LTN1: variants seen among roughly 807,000 people sequenced by gnomAD.
The protein encoded by LTN1 is E3 ubiquitin-protein ligase listerin.
LTN1 carries 88 observed loss-of-function variants against 201.2 expected under a neutral mutation model. The ratio of observed to expected loss-of-function variants is 0.44; its 90% CI spans 0.37 to 0.52. The LOEUF (loss-of-function observed/expected upper bound fraction) is 0.52, where lower values mean the gene tolerates loss of function less well. LTN1 is among the 20% of genes least tolerant of loss of function. LTN1 has a pLI of 0.00. For synonymous variants in LTN1, 645 were observed against 713.5 expected (o/e 0.90, Z 1.53); for missense variants, 1,752 against 2,038.7 (o/e 0.86, Z 2.71).
chr21:28,983,211 G>C (rs905262697), intron 4 of LTN1, among the ~76,000 whole-genome samples: 1 of 152,122 alleles, frequency 6.6e-6, no homozygotes, highest in Non-Finnish European at 1.5e-5. Context: ...GCCAACTAAA[G>C]GGAAAATAAA....
intron 1 of LTN1, among the ~76,000 whole-genome samples, chr21:28,990,749 GA>G (rs1488445533): frequency 6.6e-6 from 1 of 152,048 alleles, no homozygotes; most frequent in African/African-American, 2.4e-5. Flanking sequence ...TAATCATAAG[GA>G]AAAAACTAGA....
intron 8 of LTN1, 82 bp downstream of exon 8, chr21:28,970,470 A>T: frequency 1.1e-6 from 1 of 919,182 alleles, no homozygotes; most frequent in South Asian, 1.6e-5. Context: ...AACAACTTGG[A>T]GAAATTTAAG....
At chr21:28,957,223 G>A in intron 15 of LTN1, 109 bp downstream of exon 15, 1 of 1,149,592 alleles carries the variant, frequency 8.7e-7, no homozygotes, top group Non-Finnish European at 1.2e-6. Flanking sequence ...TCAAAGCAAA[G>A]CAAAATACTC....
intron 11 of LTN1, among the ~76,000 whole-genome samples, chr21:28,963,780 T>A (rs1340350951): frequency 6.6e-6 from 1 of 152,238 alleles, no homozygotes; most frequent in Non-Finnish European, 1.5e-5. Context: ...CCATTTTAGA[T>A]GCCATTAAGA....
At chr21:28,985,550 C>G (rs1287717375) in intron 3 of LTN1, among the ~76,000 whole-genome samples, 1 of 151,704 alleles carries the variant, frequency 6.6e-6, no homozygotes, top group African/African-American at 2.4e-5. Context: ...AATAAAATCA[C>G]TATCAAAATT....
In LTN1 at chr21:28,970,559, C is replaced by T. The variant is rs1430859785; in HGVS notation, c.1168G>A (p.Val390Ile). The change falls in exon 8 of 30, where the codon GTT (valine) becomes ATT (isoleucine). Residue 390 changes from valine (V) to isoleucine (I), a missense_variant. By Grantham distance (29) the Val-to-Ile change is conservative. Transcript: ENST00000361371. ...AAAATTTAAATTACTTACCCAGCAA[C>T]TAGAGACGTGAGGAAATTTTTGAAG... ...DFFKNFLTSL[V>I]AGLSTERTKT... The T allele has an allele frequency of 1.2e-6, 2 of 1,609,718 alleles. No homozygotes were observed. Among genetic ancestry groups the T allele is most frequent in the Non-Finnish European group, 8.5e-7 (1 of 1,177,280 alleles).
At chr21:28,973,098 A>G (rs1402025925) in intron 6 of LTN1, among the ~76,000 whole-genome samples, 1 of 152,200 alleles carries the variant, frequency 6.6e-6, no homozygotes, top group Non-Finnish European at 1.5e-5. Flanking sequence ...CTGTAATCCC[A>G]GAACTTTGGG....
At position 28,952,209 on chromosome 21, in the gene LTN1, G is replaced by A. The variant is rs866219851; in HGVS notation, c.3295C>T (p.Arg1099Ter). 2.5e-6 allele frequency: 4 copies of A among 1,610,106 alleles called. No individual in the cohort carries two copies. The highest frequency in any genetic ancestry group is 1.7e-5 in the Admixed American group (1 of 59,704). The change falls in exon 18 of 30, where the codon CGA (arginine) becomes TGA (stop). Residue 1099 changes from arginine (R) to a stop codon, truncating the protein, a stop_gained. Transcript: ENST00000361371. LOFTEE classifies it high-confidence loss of function. Reference protein sequence around the residue: ...SLIIAKLILSRSISSDEVKPH... With the variant: ...SLIIAKLILS ...TTTACTTCATCAGATGAAATGCTTC[G>A]GGAAAGGATCAACTTAGCAATAATA...
At chr21:28,981,072 G>A in intron 6 of LTN1, 47 bp downstream of exon 6, 1 of 1,154,850 alleles carries the variant, frequency 8.7e-7, no homozygotes, top group African/African-American at 1.6e-5. Flanking sequence ...AAGAAGATGG[G>A]GGTAAGGAAT....
intron 18 of LTN1, among the ~76,000 whole-genome samples, chr21:28,949,156 C>T (rs56306015): frequency 0.025 from 3,755 of 152,166 alleles, 158 homozygotes; most frequent in African/African-American, 0.086. Flanking sequence ...CTACCTTTGA[C>T]CATTTCATCT....
intron 25 of LTN1, 94 bp from the exon 26 acceptor site, chr21:28,936,791 A>T (rs2084260462): frequency 1.1e-6 from 1 of 873,484 alleles, no homozygotes; most frequent in African/African-American, 1.7e-5. Context: ...TCCTTTCCTC[A>T]TAAACTAGCA....
rs2146246711 is a variant in LTN1, at chr21:28,928,812, C to T, written c.*1636G>A. On this transcript the variant is annotated 3_prime_UTR_variant, in exon 30 of 30. Coordinates refer to ENST00000361371, the MANE Select transcript of LTN1 (RefSeq NM_015565.3). The stretch of plus-strand genomic sequence containing the variant: ...GGTTTGGGCCAGAAGCCAAGATGTA[C>T]CAATACTGGAAAGGTTTTAAACAGT... The T allele has an allele frequency of 6.6e-6, 1 of 152,050 alleles. No homozygotes were observed. The highest frequency in any genetic ancestry group is 1.5e-5 in the Non-Finnish European group (1 of 67,900). The allele number at this position is 152,050 out of a possible 1,614,324, so 9.4% of individuals were successfully genotyped here.
At chr21:28,966,232 T>C (rs2084521146) in intron 10 of LTN1, 138 bp downstream of exon 10, 1 of 737,668 alleles carries the variant, frequency 1.4e-6, no homozygotes, top group African/African-American at 1.8e-5. Context: ...CCCTAGATAC[T>C]TCCCAAATCA....
intron 6 of LTN1, 31 bp downstream of exon 6, chr21:28,981,088 A>C: frequency 1.5e-6 from 2 of 1,351,874 alleles, no homozygotes; most frequent in Non-Finnish European, 2.0e-6. Flanking sequence ...GGAATCAGAG[A>C]AATGTCTTAA....
At chr21:28,975,519 C>T (rs1023739650) in intron 6 of LTN1, among the ~76,000 whole-genome samples, 13 of 152,204 alleles carry the variant, frequency 8.5e-5, no homozygotes, top group African/African-American at 3.1e-4. Flanking sequence ...CAGGCCATGT[C>T]ATCTCTGTTG....
chr21:28,937,170 TC>T (rs1426154241), intron 25 of LTN1, among the ~76,000 whole-genome samples: 1 of 152,212 alleles, frequency 6.6e-6, no homozygotes, highest in Non-Finnish European at 1.5e-5. Flanking sequence ...TTCTGATTTC[TC>T]TTTTAAAAAC....
chr21:28,964,556 G>C (rs1429399165), intron 11 of LTN1: 1 of 1,489,276 alleles, frequency 6.7e-7, no homozygotes, highest in African/African-American at 1.4e-5. Context: ...CTTTATTGCT[G>C]TGGTGTGGAA....
chr21:28,959,871 AAGGC>A (rs1359192914), intron 12 of LTN1, 174 bp from the exon 13 acceptor site: 19 of 568,148 alleles, frequency 3.3e-5, no homozygotes, highest in Non-Finnish European at 5.4e-5. Flanking sequence ...TCAAGTAAAA[AAGGC>A]AGTTTTAAAT....
Position 28,932,533 on chromosome 21 carries a change from T to C in LTN1, c.5007A>G (p.Val1669=). The change falls in exon 28 of 30, where the codon GTA becomes GTG. Residue 1669 remains valine (V), a synonymous_variant. Coordinates refer to ENST00000361371, the MANE Select transcript of LTN1 (RefSeq NM_015565.3). ...GSIIVESGKR[V]GVAVQQWRNW... The stretch of plus-strand genomic sequence containing the variant: ...TCCGCCACTGCTGAACAGCTACTCC[T>C]ACTCTTTTCCCACTTTCTACTATTA... 1 of 1,614,124 alleles carries C rather than the reference T, an allele frequency of 6.2e-7. No individual in the cohort carries two copies. Among genetic ancestry groups the C allele is most frequent in the Non-Finnish European group, 8.5e-7 (1 of 1,179,980 alleles).
Sources: gnomAD v4.1 joint callset for allele counts (sites outside exome capture counted in the v4.1 genomes callset) on GRCh38, gnomAD v4.1.1 for gene constraint, MANE v1.5 for transcripts, NCBI Gene and HGNC (gene_info 2026-07-23, HGNC 2026-07-21) for gene names.